Variants in NECAB2 observed in about 807,000 individuals in gnomAD.
NECAB2 encodes N-terminal EF-hand calcium-binding protein 2.
NECAB2 carries 68 observed loss-of-function variants against 51.9 expected under a neutral mutation model. The ratio of observed to expected loss-of-function variants is 1.31; its 90% CI spans 1.08 to 1.60. NECAB2 has a LOEUF of 1.60. Among genes scored for constraint, NECAB2 ranks in the 40% most tolerant of loss-of-function variants. The pLI is 0.00. For synonymous variants in NECAB2, 329 were observed against 203.5 expected (o/e 1.62, Z -5.25); for missense variants, 854 against 490.3 (o/e 1.74, Z -7.00).
chr16:83,994,465 C>T (rs1248783768), intron 7 of NECAB2, 45 bp downstream of exon 7: 2 of 1,605,160 alleles, frequency 1.2e-6, no homozygotes. Flanking sequence ...GCTGGGGGTC[C>T]CGAGGAGTTC....
chr16:83,978,031 G>C (rs757223189), intron 2 of NECAB2, among the ~76,000 whole-genome samples: 4 of 152,324 alleles, frequency 2.6e-5, no homozygotes, highest in Admixed American at 6.5e-5. Flanking sequence ...CCTGCCTCCA[G>C]GTGGCCATGT....
intron 6 of NECAB2, 115 bp from the exon 7 acceptor site, chr16:83,994,187 C>A: frequency 1.1e-6 from 1 of 917,616 alleles, no homozygotes; most frequent in Non-Finnish European, 1.7e-6. Flanking sequence ...GATGCAAGTT[C>A]TGTGCATGTG....
chr16:83,975,404 C>G (rs114648514), intron 2 of NECAB2, among the ~76,000 whole-genome samples: 1,961 of 152,062 alleles, frequency 0.013, 51 homozygotes, highest in African/African-American at 0.045. Context: ...GATAGGCCCA[C>G]AAGCACACAC....
intron 5 of NECAB2, among the ~76,000 whole-genome samples, chr16:83,987,552 A>G (rs1005611828): frequency 6.6e-6 from 1 of 152,072 alleles, no homozygotes; most frequent in African/African-American, 2.4e-5. Flanking sequence ...TTTTATGTGT[A>G]TTTCTTAAAT....
chr16:83,998,625 G>T (rs1391115006), intron 10 of NECAB2, among the ~76,000 whole-genome samples: 1 of 152,178 alleles, frequency 6.6e-6, no homozygotes, highest in Non-Finnish European at 1.5e-5. Flanking sequence ...AAGTGTGAAG[G>T]GCTCCAGCTG....
chr16:83,975,168 A>G lies in NECAB2; in HGVS notation c.226+2993A>G, dbSNP rs866273749. Among the ~76,000 whole-genome samples, 182 of 112,428 alleles carry G rather than the reference A, an allele frequency of 1.6e-3. 4 individuals are homozygous for G. Among genetic ancestry groups the G allele is most frequent in the African/African-American group, 7.5e-3 (158 of 21,088 alleles). 73.8% of individuals were successfully genotyped at this position (112,428 alleles called of 152,430 possible). ...CAGGTGTGCAGGGAGGTGTGGGTGC[A>G]GGGATGGGAACAGGTGTGCAGGGAG... On this transcript the variant is annotated intron_variant, in intron 2 of 12. Transcript: ENST00000305202.
intron 3 of NECAB2, among the ~76,000 whole-genome samples, 161 bp from the exon 4 acceptor site, chr16:83,980,678 G>A (rs2084475392): frequency 1.3e-5 from 2 of 152,178 alleles, no homozygotes; most frequent in South Asian, 4.1e-4. Context: ...GGGCGGGGGT[G>A]TCACCTACCT....
intron 5 of NECAB2, 125 bp from the exon 6 acceptor site, chr16:83,990,369 G>A: frequency 7.8e-7 from 1 of 1,276,878 alleles, no homozygotes; most frequent in Non-Finnish European, 1.1e-6. Context: ...AGGCCGTGGG[G>A]TCCTCCCTTC....
chr16:83,989,326 G>C (rs1186475107), intron 5 of NECAB2, among the ~76,000 whole-genome samples: 4 of 152,166 alleles, frequency 2.6e-5, no homozygotes, highest in Non-Finnish European at 5.9e-5. Context: ...CTGGCTGTCG[G>C]CTTGGTGGCT....
chr16:83,978,413 C>G (rs1453097613), intron 2 of NECAB2, 31 bp from the exon 3 acceptor site: 3 of 1,590,322 alleles, frequency 1.9e-6, no homozygotes, highest in South Asian at 2.2e-5. Context: ...TCTGCAGACA[C>G]CAGCTCCTTT....
chr16:83,992,386 C>CCCCCA (rs201988781), intron 6 of NECAB2, among the ~76,000 whole-genome samples: 2 of 148,672 alleles, frequency 1.3e-5, no homozygotes, highest in African/African-American at 5.1e-5. Flanking sequence ...GTCCCCCCGC[C>CCCCCA]CACCTCCATT....
intron 5 of NECAB2, among the ~76,000 whole-genome samples, chr16:83,984,018 C>G (rs1292319964): frequency 1.7e-5 from 2 of 120,892 alleles, no homozygotes; most frequent in African/African-American, 6.4e-5. Flanking sequence ...TTTTTTTTGA[C>G]GGAGTCTCGC....
intron 10 of NECAB2, among the ~76,000 whole-genome samples, 179 bp downstream of exon 10, chr16:83,998,496 A>G (rs1377385864): frequency 6.6e-6 from 1 of 152,094 alleles, no homozygotes; most frequent in Non-Finnish European, 1.5e-5. Flanking sequence ...AGCCAAGCAA[A>G]TGTGGCAGGT....
chr16:84,000,756 C>CCTTTGTCATCTATGAGTT lies in NECAB2; in HGVS notation c.998_1015dup (p.Phe333_Phe338dup), dbSNP rs1428395475. 6.2e-7 allele frequency: 1 copy of CCTTTGTCATCTATGAGTT among 1,613,862 alleles called. No homozygotes were observed. Among genetic ancestry groups the CCTTTGTCATCTATGAGTT allele is most frequent in the Non-Finnish European group, 8.5e-7 (1 of 1,179,994 alleles). Reference sequence around the variant, plus strand: ...GCCGTGAGGCTCTCAGATGGCTTCACCTTTGTCATCTATGAGTTCTGGGAG... The same window carrying CCTTTGTCATCTATGAGTT: ...GCCGTGAGGCTCTCAGATGGCTTCACCTTTGTCATCTATGAGTTCTTTGTCATCTATGAGTTCTGGGAG... On this transcript the variant is annotated inframe_insertion, in exon 11 of 13. Transcript: ENST00000305202.
chr16:83,994,965 A>T (rs2084676875), intron 8 of NECAB2, among the ~76,000 whole-genome samples: 1 of 152,160 alleles, frequency 6.6e-6, no homozygotes, highest in Non-Finnish European at 1.5e-5. Context: ...CCAGGAGCAG[A>T]GGGTGGTCAG....
chr16:84,002,200 T>C, intron 12 of NECAB2, 118 bp from the exon 13 acceptor site: 1 of 1,309,546 alleles, frequency 7.6e-7, no homozygotes, highest in Non-Finnish European at 1.1e-6. Flanking sequence ...AGCAAGGACC[T>C]GTGTGTCACA....
At chr16:84,001,254 CTTTGTCCTCTGCT>C (rs1448536874) in intron 11 of NECAB2, among the ~76,000 whole-genome samples, 1 of 134,744 alleles carries the variant, frequency 7.4e-6, no homozygotes, top group Non-Finnish European at 1.5e-5. Context: ...GGCCTTAGGC[CTTTGTCCTCTGCT>C]CAGCACACAT....
intron 12 of NECAB2, 28 bp downstream of exon 12, chr16:84,001,944 T>C: frequency 1.2e-6 from 2 of 1,606,110 alleles, no homozygotes; most frequent in Non-Finnish European, 8.5e-7. Flanking sequence ...GGAACTGCAG[T>C]GGCCACCTGA....
At chr16:83,985,812 G>C (rs149325027) in intron 5 of NECAB2, among the ~76,000 whole-genome samples, 65 of 152,108 alleles carry the variant, frequency 4.3e-4, no homozygotes, top group African/African-American at 1.5e-3. Flanking sequence ...AATGTACTGA[G>C]ATTTTTCCAT....
Sources: gnomAD v4.1 joint callset for allele counts (sites outside exome capture counted in the v4.1 genomes callset) on GRCh38, gnomAD v4.1.1 for gene constraint, MANE v1.5 for transcripts, NCBI Gene and HGNC (gene_info 2026-07-23, HGNC 2026-07-21) for gene names.